The following PCDH15 variants were observed in gnomAD, a reference collection of about 807,000 sequenced individuals.
The protein encoded by PCDH15 is protocadherin related 15.
In PCDH15, 129 loss-of-function variants were observed where a neutral mutation model predicts 178.5. The ratio of observed to expected loss-of-function variants is 0.72; its 90% CI spans 0.63 to 0.84. The LOEUF (loss-of-function observed/expected upper bound fraction) is 0.84. Among genes scored for constraint, PCDH15 ranks in the 40% least tolerant of loss-of-function variants. The pLI is 0.00. For synonymous variants in PCDH15, 800 were observed against 732.0 expected (o/e 1.09, Z -1.50); for missense variants, 2,230 against 2,099.9 (o/e 1.06, Z -1.21).
chr10:55,153,790 T>C (rs2132104482), intron 2 of PCDH15, among the ~76,000 whole-genome samples: 1 of 152,288 alleles, frequency 6.6e-6, no homozygotes, highest in South Asian at 2.1e-4. Flanking sequence ...AATGTCTAGG[T>C]TTGAGCTCTG....
In PCDH15 at chr10:54,855,548, G is replaced by A. The variant is rs536446905; in HGVS notation, c.-29+41902C>T. On this transcript the variant is annotated intron_variant, in intron 3 of 5. Transcript: ENST00000458638. ...TCTGAAGCATGATAGGCTCAAATAA[G>A]CTTCCACTCCACAGAATTCTTAAAT... Among the ~76,000 whole-genome samples, 20 of 152,270 alleles carry A rather than the reference G, an allele frequency of 1.3e-4. No homozygotes were observed. The South Asian group carries it at 1.5e-3, about 11-fold the overall frequency.
intron 2 of PCDH15, among the ~76,000 whole-genome samples, chr10:55,446,322 T>TATAC (rs564959833): frequency 6.6e-6 from 1 of 151,632 alleles, no homozygotes; most frequent in African/African-American, 2.4e-5. Flanking sequence ...TATATATATA[T>TATAC]ATATAAAACA....
chr10:54,956,840 T>A (rs980350958), intron 2 of PCDH15, among the ~76,000 whole-genome samples: 1 of 151,662 alleles, frequency 6.6e-6, no homozygotes, highest in African/African-American at 2.4e-5. Flanking sequence ...AAAACTTTTG[T>A]TAGAAAATAT....
At chr10:54,621,964 T>C (rs2134445645) in intron 2 of PCDH15, among the ~76,000 whole-genome samples, 1 of 152,152 alleles carries the variant, frequency 6.6e-6, no homozygotes, top group East Asian at 1.9e-4. Context: ...ATTAGCAAAG[T>C]GGAGAATCAT....
chr10:54,394,984 T>C (rs1255687530), intron 3 of PCDH15, among the ~76,000 whole-genome samples: 3 of 152,184 alleles, frequency 2.0e-5, no homozygotes, highest in Non-Finnish European at 4.4e-5. Flanking sequence ...CCCCGAACAA[T>C]TGCTGTTATC....
At chr10:55,052,229 A>G (rs1841180547) in intron 2 of PCDH15, among the ~76,000 whole-genome samples, 1 of 151,646 alleles carries the variant, frequency 6.6e-6, no homozygotes, top group Non-Finnish European at 1.5e-5. Flanking sequence ...CTGGGACTAC[A>G]GGCACCTACC....
intron 2 of PCDH15, among the ~76,000 whole-genome samples, chr10:55,130,900 T>C (rs1401025153): frequency 1.3e-5 from 2 of 152,104 alleles, no homozygotes; most frequent in East Asian, 1.9e-4. Context: ...AAAAATGTTA[T>C]CTTACTTCTA....
intron 8 of PCDH15, among the ~76,000 whole-genome samples, chr10:54,239,152 T>C (rs1221966527): frequency 6.6e-6 from 1 of 152,130 alleles, no homozygotes; most frequent in Non-Finnish European, 1.5e-5. Context: ...TATTTGAGGA[T>C]ATGTTGGCTG....
At chr10:55,405,693 T>C (rs1429482937) in intron 2 of PCDH15, among the ~76,000 whole-genome samples, 1 of 151,980 alleles carries the variant, frequency 6.6e-6, no homozygotes, top group Admixed American at 6.6e-5. Flanking sequence ...ACTTTATTTA[T>C]ATAACAGATA....
At chr10:55,350,252 TATATATATATATATATACAC>T (rs1286041538) in intron 2 of PCDH15, among the ~76,000 whole-genome samples, 7 of 65,136 alleles carry the variant, frequency 1.1e-4, no homozygotes, top group Admixed American at 1.5e-4. Flanking sequence ...TATATATATA[TATATATATATATATATACAC>T]ACACACACAC....
intron 1 of PCDH15, among the ~76,000 whole-genome samples, chr10:54,716,255 C>A (rs1441932558): frequency 6.6e-6 from 1 of 152,086 alleles, no homozygotes. Flanking sequence ...CAGAGAGCTT[C>A]TCCCATTAAA....
chr10:54,753,894 G>GGTT (rs1555181786), intron 1 of PCDH15, among the ~76,000 whole-genome samples: 1 of 85,510 alleles, frequency 1.2e-5, no homozygotes, highest in South Asian at 3.4e-4. Flanking sequence ...GTTTGTTTGT[G>GGTT]TTTTTTTTTT....
At chr10:54,496,466 G>A (rs1282398683) in intron 3 of PCDH15, among the ~76,000 whole-genome samples, 3 of 152,140 alleles carry the variant, frequency 2.0e-5, no homozygotes, top group South Asian at 2.1e-4. Flanking sequence ...AGTTGAAAGA[G>A]AGAAGCTGAT....
intron 2 of PCDH15, among the ~76,000 whole-genome samples, chr10:55,451,224 C>T (rs1023684123): frequency 1.3e-5 from 2 of 151,996 alleles, no homozygotes; most frequent in East Asian, 1.9e-4. Context: ...TGGGGCCAAG[C>T]GTGGTGGCTC....
intron 2 of PCDH15, among the ~76,000 whole-genome samples, chr10:55,614,068 C>A (rs1222348514): frequency 6.6e-6 from 1 of 150,654 alleles, no homozygotes. Context: ...GAGCTGAGAT[C>A]GTGCCACTGC....
At chr10:54,674,240 G>A (rs1024715518) in intron 1 of PCDH15, among the ~76,000 whole-genome samples, 1 of 152,068 alleles carries the variant, frequency 6.6e-6, no homozygotes, top group African/African-American at 2.4e-5. Context: ...CAAGAACTAA[G>A]TTTGTACATT....
At chr10:55,422,716 A>T (rs571988761) in intron 2 of PCDH15, among the ~76,000 whole-genome samples, 2 of 151,828 alleles carry the variant, frequency 1.3e-5, no homozygotes, top group Non-Finnish European at 2.9e-5. Flanking sequence ...AAATAATCCA[A>T]TGGTATGTTG....
At chr10:55,144,721 A>G (rs1469229406) in intron 2 of PCDH15, among the ~76,000 whole-genome samples, 1 of 152,122 alleles carries the variant, frequency 6.6e-6, no homozygotes. Context: ...AATCTGTGGG[A>G]GTTTGTAATT....
chr10:53,925,540 T>C (rs1248632710), intron 25 of PCDH15, among the ~76,000 whole-genome samples: 1 of 152,218 alleles, frequency 6.6e-6, no homozygotes. Flanking sequence ...CAGACACAGT[T>C]GGATCTGAGT....
Sources: gnomAD v4.1 joint callset for allele counts (sites outside exome capture counted in the v4.1 genomes callset) on GRCh38, gnomAD v4.1.1 for gene constraint, MANE v1.5 for transcripts, NCBI Gene and HGNC (gene_info 2026-07-23, HGNC 2026-07-21) for gene names.